ZCCHC8: variants seen among roughly 807,000 people sequenced by gnomAD.
The protein encoded by ZCCHC8 is zinc finger CCHC domain-containing protein 8.
A neutral mutation model predicts 70.6 loss-of-function variants in ZCCHC8; 27 were observed. That is an observed-to-expected ratio of 0.38 (90% CI 0.28 to 0.53). The LOEUF is 0.53. Among genes scored for constraint, ZCCHC8 ranks in the 20% least tolerant of loss-of-function variants. The probability of loss-of-function intolerance (pLI) is 0.81; values close to 1 mark genes in which losing one functional copy is unlikely to be tolerated. For missense variants in ZCCHC8, 737 were observed against 876.9 expected, an observed-to-expected ratio of 0.84 and a Z score of 2.01; for synonymous variants, 293 against 317.4, an observed-to-expected ratio of 0.92 and a Z score of 0.82.
At chr12:122,488,714 T>C (rs1027857364) in intron 5 of ZCCHC8, among the ~76,000 whole-genome samples, 5 of 151,466 alleles carry the variant, frequency 3.3e-5, no homozygotes, top group Non-Finnish European at 7.4e-5. Context: ...CTACTAAAAA[T>C]ACAAAAATTA....
intron 10 of ZCCHC8, 143 bp from the exon 11 acceptor site, chr12:122,480,454 C>T: frequency 4.8e-6 from 3 of 621,916 alleles, no homozygotes; most frequent in Non-Finnish European, 7.3e-6. Context: ...TATAATTTTT[C>T]TAAATCATTA....
At chr12:122,479,278 G>A (rs1033344875) in intron 11 of ZCCHC8, among the ~76,000 whole-genome samples, 9 of 152,170 alleles carry the variant, frequency 5.9e-5, no homozygotes, top group Non-Finnish European at 1.0e-4. Context: ...ATTTTGCCAT[G>A]TTGGCCAGGC....
intron 8 of ZCCHC8, 191 bp downstream of exon 8, chr12:122,482,444 A>G (rs1957554651): frequency 2.1e-6 from 1 of 471,418 alleles, no homozygotes; most frequent in African/African-American, 2.0e-5. Context: ...ACACTGTTTT[A>G]AATTATTTAC....
chr12:122,477,513 G>A (rs1449095552), intron 13 of ZCCHC8, among the ~76,000 whole-genome samples: 1 of 147,016 alleles, frequency 6.8e-6, no homozygotes, highest in South Asian at 2.2e-4. Flanking sequence ...GGCCGGGCAC[G>A]GTGGCTCACG....
intron 8 of ZCCHC8, chr12:122,482,391 C>T (rs1957553507): frequency 2.3e-6 from 1 of 434,050 alleles, no homozygotes; most frequent in Non-Finnish European, 4.1e-6. Flanking sequence ...AATTTAATGT[C>T]TTAAAATATG....
intron 3 of ZCCHC8, chr12:122,492,237 T>C: frequency 6.0e-6 from 1 of 167,974 alleles, no homozygotes; most frequent in Non-Finnish European, 1.3e-5. Context: ...GCTGATGGTT[T>C]GCAAAAGTCT....
At position 122,483,696 on chromosome 12, in the gene ZCCHC8, T is replaced by C. The variant is rs967718805; in HGVS notation, c.502-133A>G. ...TTAGAAATAATAACTTCCTTGTTAT[T>C]AAGGAGCCAGACTTTGATGTGTAAG... On this transcript the variant is annotated intron_variant, in intron 5 of 13. Coordinates refer to ENST00000633063, the MANE Select transcript of ZCCHC8 (RefSeq NM_017612.5). This position sits in a 1 kb window ranked among gnomAD's most constrained non-coding sequence, Gnocchi z 4.4. The C allele has an allele frequency of 5.2e-6, 4 of 762,314 alleles. No homozygotes were observed. Among genetic ancestry groups the C allele is most frequent in the Admixed American group, 2.8e-5 (1 of 35,730 alleles). The allele number at this position is 762,314 out of a possible 1,614,324, so 47.2% of individuals were successfully genotyped here.
chr12:122,481,271 G>A (rs931672149), intron 10 of ZCCHC8: 2 of 297,286 alleles, frequency 6.7e-6, no homozygotes, highest in Non-Finnish European at 6.2e-6. Flanking sequence ...GAGCTTATGA[G>A]GACTGGCTGG....
Position 122,477,870 on chromosome 12 carries a change from C to T in ZCCHC8, c.1316G>A (p.Gly439Glu). 6.2e-6 allele frequency: 10 copies of T among 1,613,444 alleles called. No homozygotes were observed. Among genetic ancestry groups the T allele is most frequent in the Non-Finnish European group, 7.6e-6 (9 of 1,179,764 alleles). ...KKQKNESNSA[G>E]SPADMELDSD... The stretch of plus-strand genomic sequence containing the variant: ...ATCGAGCTCCATGTCGGCGGGAGAT[C>T]CCGCTGAGTTGCTTTCATTCTTCTG... Residue 439 changes from glycine (G) to glutamate (E), a missense_variant, in exon 13 of 14, where the codon GGA (glycine) becomes GAA (glutamate). Transcript: ENST00000633063.
chr12:122,490,357 C>T (rs773714424), intron 4 of ZCCHC8, 105 bp downstream of exon 4: 19 of 862,108 alleles, frequency 2.2e-5, no homozygotes, highest in African/African-American at 5.0e-5. Context: ...AAGTGGTAAA[C>T]GGTGTTAATC....
rs1415606565 is a variant in ZCCHC8 at position 122,500,319 on chromosome 12, A to AG, written c.199+322dup. 2 of 309,094 alleles carry AG rather than the reference A, an allele frequency of 6.5e-6. No homozygotes were observed. Among genetic ancestry groups the AG allele is most frequent in the Non-Finnish European group, 1.2e-5 (2 of 166,374 alleles). 19.1% of individuals were successfully genotyped at this position (309,094 alleles called of 1,614,324 possible). On this transcript the variant is annotated intron_variant, in intron 1 of 13. Coordinates refer to ENST00000633063, the MANE Select transcript of ZCCHC8 (RefSeq NM_017612.5). The surrounding 1 kb of genome is among the most constrained non-coding windows in gnomAD (Gnocchi z 4.8). ...GAAACCTCACCACGACCTCAAACAGAGGGGGGCAATTAAGGGCTTGTGTAC... is the reference window on the plus strand; with the variant it reads ...GAAACCTCACCACGACCTCAAACAGAGGGGGGGCAATTAAGGGCTTGTGTAC...
intron 5 of ZCCHC8, chr12:122,484,008 A>G (rs1172246562): frequency 1.8e-5 from 3 of 164,228 alleles, no homozygotes; most frequent in Non-Finnish European, 4.0e-5. Context: ...TGAATACCCA[A>G]TGTATCCTTC....
At chr12:122,480,092 G>A in intron 11 of ZCCHC8, 98 bp downstream of exon 11, 1 of 1,146,024 alleles carries the variant, frequency 8.7e-7, no homozygotes, top group Non-Finnish European at 1.2e-6. Context: ...GATTACAGGT[G>A]TGAGCCACTA....
In ZCCHC8 at chr12:122,478,286, TC is replaced by T; in HGVS notation, c.1146del (p.Trp382Ter). On this transcript the variant is annotated frameshift_variant, in exon 12 of 14. Transcript: ENST00000633063. LOFTEE classifies it high-confidence loss of function. Reference sequence around the variant, plus strand: ...TGCATTGGTATGGAACCAAAGATCCTCCATTCCTAATGATGAAAAGAGAAGG... The same window carrying T: ...TGCATTGGTATGGAACCAAAGATCCTCATTCCTAATGATGAAAAGAGAAGG... ...ISTPRGIPDE[W>X]RIFGSIPMQA... The T allele has an allele frequency of 6.3e-7, 1 of 1,585,950 alleles. No homozygotes were observed. Among genetic ancestry groups the T allele is most frequent in the Non-Finnish European group, 8.6e-7 (1 of 1,166,732 alleles).
chr12:122,483,338 A>T lies in ZCCHC8; in HGVS notation c.612T>A (p.His204Gln). The change falls in exon 7 of 14, where the codon CAT becomes CAA. Residue 204 changes from histidine (H) to glutamine (Q), a missense_variant. Physicochemically the swap from His to Gln is conservative, Grantham distance 24 (BLOSUM62 0). Transcript: ENST00000633063. This position sits in a 1 kb window ranked among gnomAD's most constrained non-coding sequence, Gnocchi z 4.4. ...LSEGWEIPKY[H>Q]QVFSHIVSLE... Reference sequence around the variant, plus strand: ...GAGAAACAATGTGGCTGAAGACTTGATGGTACCTTTAGTGAATTTTATTAA... The same window carrying T: ...GAGAAACAATGTGGCTGAAGACTTGTTGGTACCTTTAGTGAATTTTATTAA... 1 of 1,596,716 alleles carries T rather than the reference A, an allele frequency of 6.3e-7. No individual in the cohort carries two copies. Among genetic ancestry groups the T allele is most frequent in the South Asian group, 1.1e-5 (1 of 87,992 alleles).
chr12:122,473,647 G>T lies in ZCCHC8; in HGVS notation c.1974C>A (p.Ser658Arg), dbSNP rs180778509. Reference protein sequence around the residue: ...TSPSTATKIHSPIPDMSKFAT... With the variant: ...TSPSTATKIHRPIPDMSKFAT... ...CAAATTTGCTCATGTCAGGTATAGG[G>T]CTATGAATTTTAGTGGCCGTTGAAG... is the stretch of plus-strand genomic sequence containing the variant. The change falls in exon 14 of 14, where the codon AGC becomes AGA. Residue 658 changes from serine (S) to arginine (R), a missense_variant. By Grantham distance (110) the Ser-to-Arg change is moderately radical. Transcript: ENST00000633063. 4 of 1,613,958 alleles carry T rather than the reference G, an allele frequency of 2.5e-6. No homozygotes were observed. The highest frequency in any genetic ancestry group is 1.7e-5 in the Admixed American group (1 of 60,010).
chr12:122,479,592 T>C (rs562772189), intron 11 of ZCCHC8, among the ~76,000 whole-genome samples: 89 of 152,332 alleles, frequency 5.8e-4, no homozygotes, highest in Middle Eastern at 3.4e-3. Context: ...GTTAATTCTG[T>C]AAAATTAATA....
chr12:122,483,344 C>A lies in ZCCHC8; in HGVS notation c.606G>T (p.Lys202Asn). The A allele has an allele frequency of 1.3e-6, 2 of 1,593,766 alleles. No homozygotes were observed. Among genetic ancestry groups the A allele is most frequent in the Non-Finnish European group, 1.7e-6 (2 of 1,168,894 alleles). ...PQLSEGWEIP[K>N]YHQVFSHIVS... ...CAATGTGGCTGAAGACTTGATGGTA[C>A]CTTTAGTGAATTTTATTAAGGAATA... Residue 202 changes from lysine to asparagine, a missense_variant and splice_region_variant, in exon 7 of 14, where the codon AAG becomes AAT. Transcript: ENST00000633063. This position sits in a 1 kb window ranked among gnomAD's most constrained non-coding sequence, Gnocchi z 4.4.
chr12:122,495,940 G>A (rs1348005694), intron 2 of ZCCHC8, among the ~76,000 whole-genome samples: 1 of 150,634 alleles, frequency 6.6e-6, no homozygotes, highest in East Asian at 1.9e-4. Context: ...GGCTGAGGCA[G>A]GAGGATCACT....
Sources: allele counts gnomAD v4.1 joint callset (sites outside exome capture counted in the v4.1 genomes callset), GRCh38; gene constraint gnomAD v4.1.1; non-coding constraint Gnocchi (gnomAD v3.1); transcripts MANE v1.5; gene names NCBI Gene and HGNC (gene_info 2026-07-23, HGNC 2026-07-21).